The following SLC26A5 variants were observed in gnomAD, a reference collection of about 807,000 sequenced individuals.
The protein encoded by SLC26A5 is solute carrier family 26 member 5, also known as prestin.
Under a neutral mutation model 81.0 loss-of-function variants are expected in SLC26A5, and 51 were observed. That is an observed-to-expected ratio of 0.63 (90% CI 0.50 to 0.80). The LOEUF (loss-of-function observed/expected upper bound fraction) is 0.80. SLC26A5 is among the 30% of genes least tolerant of loss of function. The pLI is 0.00. For synonymous variants in SLC26A5, 325 were observed against 332.8 expected, an observed-to-expected ratio of 0.98 and a Z score of 0.25; for missense variants, 771 against 905.8, an observed-to-expected ratio of 0.85 and a Z score of 1.91.
chr7:103,425,651 A>C (rs1825665395), intron 2 of SLC26A5, among the ~76,000 whole-genome samples: 1 of 152,128 alleles, frequency 6.6e-6, no homozygotes, highest in Admixed American at 6.6e-5. Context: ...ATAATACAAA[A>C]TAATAAATGT....
chr7:103,355,842 C>T (rs1211373397), intron 19 of SLC26A5: 1 of 1,351,928 alleles, frequency 7.4e-7, no homozygotes, highest in Admixed American at 1.8e-5. Flanking sequence ...TATTTTCAAG[C>T]ACTTAATGTT....
chr7:103,376,401 A>AT (rs1473202428), intron 19 of SLC26A5, among the ~76,000 whole-genome samples: 15 of 152,206 alleles, frequency 9.9e-5, no homozygotes, highest in Admixed American at 3.3e-4. Flanking sequence ...ACCAAAATGT[A>AT]ATATAAAACA....
At chr7:103,422,059 T>C (rs891207058) in intron 2 of SLC26A5, among the ~76,000 whole-genome samples, 3 of 152,234 alleles carry the variant, frequency 2.0e-5, no homozygotes, top group African/African-American at 7.2e-5. Flanking sequence ...TTGAGGCAAG[T>C]TGCTGGTGAC....
intron 8 of SLC26A5, among the ~76,000 whole-genome samples, chr7:103,399,083 G>A (rs536896892): frequency 6.6e-6 from 1 of 152,126 alleles, no homozygotes; most frequent in East Asian, 1.9e-4. Context: ...AAAATTGAAT[G>A]CAAAACTCAA....
intron 19 of SLC26A5, among the ~76,000 whole-genome samples, chr7:103,358,765 A>G (rs1451972293): frequency 6.6e-6 from 1 of 152,106 alleles, no homozygotes; most frequent in South Asian, 2.1e-4. Context: ...TCTAGGCCGT[A>G]TGAGGGGAAT....
intron 2 of SLC26A5, chr7:103,435,102 A>G (rs1458729367): frequency 6.6e-6 from 1 of 152,280 alleles, no homozygotes; most frequent in Non-Finnish European, 1.5e-5. Flanking sequence ...AAGAATTTCC[A>G]TTATTAGCCT....
At chr7:103,435,756 G>C (rs1030279870) in intron 2 of SLC26A5, among the ~76,000 whole-genome samples, 1 of 152,020 alleles carries the variant, frequency 6.6e-6, no homozygotes, top group Admixed American at 6.6e-5. Flanking sequence ...GCACTCCGAG[G>C]GTGGTCCTTT....
At position 103,391,651 on chromosome 7, in the gene SLC26A5, C is replaced by T; in HGVS notation, c.1204G>A (p.Val402Ile). The change falls in exon 11 of 20, where the codon GTT becomes ATT. Residue 402 changes from valine (V) to isoleucine (I), a missense_variant. Coordinates refer to ENST00000306312, the MANE Select transcript of SLC26A5 (RefSeq NM_198999.3). ...SISCSLSRSLVQEGTGGKTQL... is the reference protein window; with the variant it reads ...SISCSLSRSLIQEGTGGKTQL... ...GTCTTCCCACCGGTTCCCTCCTGAA[C>T]AAGGCTTCGAGACAAGGAGCATGAA... 1 of 1,614,130 alleles carries T rather than the reference C, an allele frequency of 6.2e-7. No homozygotes were observed.
intron 2 of SLC26A5, among the ~76,000 whole-genome samples, chr7:103,423,882 TG>T (rs1825537288): frequency 6.6e-6 from 1 of 152,232 alleles, no homozygotes; most frequent in South Asian, 2.1e-4. Context: ...AAAGATGATA[TG>T]TTTTTTGTTT....
chr7:103,408,478 C>T (rs1222969310), intron 7 of SLC26A5, among the ~76,000 whole-genome samples: 6 of 152,148 alleles, frequency 3.9e-5, no homozygotes, highest in African/African-American at 7.2e-5. Context: ...CTGCCTGCCT[C>T]GGCCTCCCAA....
intron 8 of SLC26A5, among the ~76,000 whole-genome samples, chr7:103,406,968 T>C (rs1412922722): frequency 6.6e-6 from 1 of 152,210 alleles, no homozygotes; most frequent in Non-Finnish European, 1.5e-5. Flanking sequence ...CTTCATTTCT[T>C]ATCCTTGCCG....
chr7:103,396,023 G>C (rs1823084571), intron 9 of SLC26A5, among the ~76,000 whole-genome samples: 1 of 152,094 alleles, frequency 6.6e-6, no homozygotes, highest in South Asian at 2.1e-4. Flanking sequence ...AACTGCCCTT[G>C]AGATAAGTAT....
chr7:103,365,347 A>T (rs1014102799), intron 19 of SLC26A5, among the ~76,000 whole-genome samples: 3 of 152,136 alleles, frequency 2.0e-5, no homozygotes, highest in African/African-American at 7.2e-5. Context: ...AAAAGTTTAG[A>T]TAGGCCAGGC....
At chr7:103,433,942 C>G (rs563139962) in intron 2 of SLC26A5, among the ~76,000 whole-genome samples, 25 of 152,252 alleles carry the variant, frequency 1.6e-4, no homozygotes, top group South Asian at 6.2e-4. Flanking sequence ...ACCTCGTGAT[C>G]TGCCCATCTC....
At chr7:103,399,217 A>T (rs1015487736) in intron 8 of SLC26A5, among the ~76,000 whole-genome samples, 1 of 152,196 alleles carries the variant, frequency 6.6e-6, no homozygotes, top group Non-Finnish European at 1.5e-5. Context: ...CTTTAAAGGG[A>T]ATCTGGGAAA....
At chr7:103,362,162 T>C in intron 19 of SLC26A5, 4 of 1,588,298 alleles carry the variant, frequency 2.5e-6, no homozygotes, top group Non-Finnish European at 3.4e-6. Context: ...CTTGGCTTTG[T>C]AGTGAATAAA....
intron 19 of SLC26A5, chr7:103,364,116 A>G: frequency 1.2e-6 from 2 of 1,605,738 alleles, no homozygotes; most frequent in Non-Finnish European, 1.7e-6. Context: ...AGAAGTGGTA[A>G]GTGTGAAAAT....
intron 9 of SLC26A5, among the ~76,000 whole-genome samples, chr7:103,395,116 A>G (rs1390233607): frequency 1.3e-5 from 2 of 152,098 alleles, no homozygotes; most frequent in African/African-American, 4.8e-5. Context: ...GAACCACCCA[A>G]CTGAGCCTAA....
At chr7:103,434,223 C>T (rs185878347) in intron 2 of SLC26A5, among the ~76,000 whole-genome samples, 28 of 152,306 alleles carry the variant, frequency 1.8e-4, no homozygotes, top group Admixed American at 1.4e-3. Flanking sequence ...TTCACCCTCA[C>T]GCTTGATAAG....
Sources: allele counts gnomAD v4.1 joint callset (sites outside exome capture counted in the v4.1 genomes callset), GRCh38; gene constraint gnomAD v4.1.1; transcripts MANE v1.5; gene names NCBI Gene and HGNC (gene_info 2026-07-23, HGNC 2026-07-21).